The following CCDC92B variants were observed in gnomAD, a reference collection of about 807,000 sequenced individuals.
CCDC92B encodes coiled-coil domain containing 92B.
CCDC92B carries 2 observed loss-of-function variants against 5.6 expected under a neutral mutation model. That is an observed-to-expected ratio of 0.36 (90% confidence interval 0.15 to 1.12). CCDC92B has a LOEUF of 1.12. CCDC92B is among the 50% of genes most tolerant of loss of function. The probability of loss-of-function intolerance (pLI) is 0.40; values close to 1 mark genes in which losing one functional copy is unlikely to be tolerated. For missense variants in CCDC92B, 271 were observed against 262.2 expected (o/e 1.03, Z -0.23); for synonymous variants, 115 against 122.3 (o/e 0.94, Z 0.39).
At chr17:2,738,401 C>T (rs967272146) in intron 1 of CCDC92B, among the ~76,000 whole-genome samples, 2 of 151,958 alleles carry the variant, frequency 1.3e-5, no homozygotes, top group Non-Finnish European at 2.9e-5. Flanking sequence ...CTCTCTGAGC[C>T]ATTTTCCTTC....
chr17:2,745,627 G>C (rs1231527233), intron 1 of CCDC92B, among the ~76,000 whole-genome samples: 2 of 152,178 alleles, frequency 1.3e-5, no homozygotes, highest in African/African-American at 2.4e-5. Context: ...AAATCTCTCT[G>C]TCTGGCTGGG....
chr17:2,734,892 G>A, intron 2 of CCDC92B, 124 bp downstream of exon 2: 1 of 698,840 alleles, frequency 1.4e-6, no homozygotes, highest in Non-Finnish European at 1.8e-6. Context: ...ATCAGAAAAA[G>A]AGGCAGCAGA....
At chr17:2,744,577 A>C (rs895483771) in intron 1 of CCDC92B, among the ~76,000 whole-genome samples, 5 of 151,312 alleles carry the variant, frequency 3.3e-5, no homozygotes, top group Non-Finnish European at 5.9e-5. Flanking sequence ...CCTTTTCCTT[A>C]GTACCTAGCA....
intron 3 of CCDC92B, among the ~76,000 whole-genome samples, chr17:2,727,771 C>CT (rs1251292200): frequency 6.6e-6 from 1 of 150,602 alleles, no homozygotes; most frequent in African/African-American, 2.4e-5. Context: ...TTGCAGTGAG[C>CT]TGAGATCGCG....
intron 1 of CCDC92B, among the ~76,000 whole-genome samples, chr17:2,738,576 C>T (rs981314503): frequency 3.4e-5 from 5 of 148,534 alleles, no homozygotes; most frequent in African/African-American, 7.5e-5. Context: ...ATCGAGACCA[C>T]GGTGAAACCC....
intron 3 of CCDC92B, among the ~76,000 whole-genome samples, chr17:2,728,318 A>G (rs2070756248): frequency 6.6e-6 from 1 of 150,916 alleles, no homozygotes; most frequent in African/African-American, 2.4e-5. Flanking sequence ...TCTCAAAAAA[A>G]AAAAAAAGGC....
intron 1 of CCDC92B, chr17:2,748,607 T>C: frequency 1.0e-6 from 1 of 985,086 alleles, no homozygotes; most frequent in African/African-American, 1.7e-5. Context: ...GCTTTGTCTC[T>C]GGGAATCTCT....
In CCDC92B at chr17:2,724,479, C is replaced by T; in HGVS notation, c.700G>A (p.Glu234Lys). The change falls in exon 4 of 4, where the codon GAG becomes AAG. Residue 234 changes from glutamate to lysine, a missense_variant. By Grantham distance (56) the Glu-to-Lys change is moderately conservative. Transcript: ENST00000614400. This position sits in a 1 kb window ranked among gnomAD's most constrained non-coding sequence, Gnocchi z 5.0. Reference sequence around the variant, plus strand: ...TGCGGGCCGGCTCGGTCCGGGGGCTCCTGGGGAGGCGGCTGGCGCGGGCTG... The same window carrying T: ...TGCGGGCCGGCTCGGTCCGGGGGCTTCTGGGGAGGCGGCTGGCGCGGGCTG... ...ARSPRQPPPQ[E>K]PPDRAGPQPA... 1.0e-6 allele frequency: 1 copy of T among 980,312 alleles called. No individual in the cohort carries two copies. The highest frequency in any genetic ancestry group is 1.2e-6 in the Non-Finnish European group (1 of 826,522). The allele number at this position is 980,312 out of a possible 1,614,324, so 60.7% of individuals were successfully genotyped here.
At chr17:2,741,259 C>G (rs2070923480) in intron 1 of CCDC92B, among the ~76,000 whole-genome samples, 1 of 152,010 alleles carries the variant, frequency 6.6e-6, no homozygotes, top group African/African-American at 2.4e-5. Context: ...AAGTGCTTCA[C>G]GTGGTCTGTC....
chr17:2,748,254 C>A, intron 1 of CCDC92B: 1 of 830,256 alleles, frequency 1.2e-6, no homozygotes, highest in Non-Finnish European at 1.8e-6. Context: ...CCTATCTCTG[C>A]CTCTTGAAGC....
intron 1 of CCDC92B, among the ~76,000 whole-genome samples, chr17:2,746,402 A>G (rs1448192179): frequency 6.6e-6 from 1 of 152,238 alleles, no homozygotes; most frequent in Non-Finnish European, 1.5e-5. Context: ...AGTACTTTTA[A>G]CATGTCTCTG....
chr17:2,730,319 C>A, intron 3 of CCDC92B, 127 bp downstream of exon 3: 1 of 385,470 alleles, frequency 2.6e-6, no homozygotes, highest in Non-Finnish European at 3.6e-6. Flanking sequence ...ACTCTGCTCA[C>A]CAGCCAAGGA....
chr17:2,727,604 T>TTG (rs1379724917), intron 3 of CCDC92B, among the ~76,000 whole-genome samples: 2 of 152,176 alleles, frequency 1.3e-5, no homozygotes, highest in Non-Finnish European at 2.9e-5. Context: ...GGTGGGCGGA[T>TTG]CACAAGGTCA....
rs565368487 is a variant in CCDC92B at position 2,724,712 on chromosome 17, G to C, written c.467C>G (p.Pro156Arg). 49 of 983,396 alleles carry C rather than the reference G, an allele frequency of 5.0e-5. No homozygotes were observed. The highest frequency in any genetic ancestry group is 5.8e-5 in the Non-Finnish European group (48 of 828,990). The allele number at this position is 983,396 out of a possible 1,614,324, so 60.9% of individuals were successfully genotyped here. A position where few individuals can be genotyped will look rare whatever the true frequency, so the allele number is the denominator to read the frequency against. ...AARQRLQAPR[P>R]GPGATAEPRP... ...GGGCTCGGCGGTGGCGCCGGGGCCC[G>C]GGCGCGGGGCCTGCAGTCTCTGGCG... Residue 156 changes from proline to arginine, a missense_variant, in exon 4 of 4, where the codon CCG (proline) becomes CGG (arginine). Pro to Arg is a moderately radical substitution (Grantham distance 103, BLOSUM62 -2). Coordinates refer to ENST00000614400, the MANE Select transcript of CCDC92B (RefSeq NM_001355573.2). This position sits in a 1 kb window ranked among gnomAD's most constrained non-coding sequence, Gnocchi z 5.0.
At chr17:2,742,309 T>A (rs1567618400) in intron 1 of CCDC92B, among the ~76,000 whole-genome samples, 1 of 152,070 alleles carries the variant, frequency 6.6e-6, no homozygotes, top group African/African-American at 2.4e-5. Flanking sequence ...AAAGTATCAC[T>A]CTGGCGGCTG....
intron 1 of CCDC92B, among the ~76,000 whole-genome samples, chr17:2,739,613 T>C (rs1308327826): frequency 1.3e-5 from 2 of 149,888 alleles, no homozygotes; most frequent in East Asian, 2.0e-4. Flanking sequence ...ACCCGGGAGG[T>C]GGAGCTTGCA....
chr17:2,744,638 A>G (rs757391409), intron 1 of CCDC92B, among the ~76,000 whole-genome samples: 9 of 152,158 alleles, frequency 5.9e-5, no homozygotes. Flanking sequence ...GAGTGGGTGA[A>G]GTTGTGGGGA....
intron 1 of CCDC92B, among the ~76,000 whole-genome samples, chr17:2,747,754 T>C (rs1187826103): frequency 3.9e-5 from 6 of 152,174 alleles, no homozygotes; most frequent in Non-Finnish European, 7.3e-5. Context: ...ATGAGGTTTA[T>C]GTTTCTTAGT....
chr17:2,734,470 G>T (rs1255947688), intron 2 of CCDC92B, among the ~76,000 whole-genome samples: 4 of 148,822 alleles, frequency 2.7e-5, no homozygotes, highest in Non-Finnish European at 5.9e-5. Context: ...TGGATCCTAG[G>T]AGTCCTCCAC....
Sources: allele counts gnomAD v4.1 joint callset (sites outside exome capture counted in the v4.1 genomes callset), GRCh38; gene constraint gnomAD v4.1.1; non-coding constraint Gnocchi (gnomAD v3.1); transcripts MANE v1.5; gene names NCBI Gene and HGNC (gene_info 2026-07-23, HGNC 2026-07-21).